Variants in NEK2 observed in about 807,000 individuals in gnomAD.
NEK2 encodes the protein NIMA related kinase 2, also known as serine/threonine-protein kinase Nek2.
A neutral mutation model predicts 54.1 loss-of-function variants in NEK2; 28 were observed. The ratio of observed to expected loss-of-function variants is 0.52; its 90% CI spans 0.38 to 0.71. The LOEUF is 0.71. Among genes scored for constraint, NEK2 ranks in the 30% least tolerant of loss-of-function variants. The probability of loss-of-function intolerance (pLI) is 0.00; values close to 1 mark genes in which losing one functional copy is unlikely to be tolerated. For missense variants in NEK2, 407 were observed against 531.5 expected (o/e 0.77, Z 2.30); for synonymous variants, 176 against 193.1 (o/e 0.91, Z 0.73).
intron 1 of NEK2, 62 bp from the exon 2 acceptor site, chr1:211,674,575 T>C (rs939168631): frequency 6.3e-6 from 8 of 1,273,802 alleles, no homozygotes; most frequent in Non-Finnish European, 8.7e-6. Context: ...AGAATGAAAG[T>C]TCCAAGATTT....
At chr1:211,659,610 A>C (rs2102435977), downstream of NEK2, among the ~76,000 whole-genome samples, 1 of 152,314 alleles carries the variant, frequency 6.6e-6, no homozygotes, top group South Asian at 2.1e-4. Flanking sequence ...AAACAGCAAC[A>C]CCATTGTGTA....
At chr1:211,674,974 A>G (rs530253408) in intron 1 of NEK2, among the ~76,000 whole-genome samples, 42 of 152,328 alleles carry the variant, frequency 2.8e-4, no homozygotes, top group African/African-American at 9.9e-4. Context: ...TATGAATCCA[A>G]TAATCCTAAT....
rs759605651 is a variant in NEK2, at chr1:211,663,550, G to A, written c.1214C>T (p.Thr405Ile). The A allele has an allele frequency of 3.1e-6, 5 of 1,613,928 alleles. No homozygotes were observed. In the Admixed American group the frequency reaches 6.7e-5, roughly 22 times the overall value. The change falls in exon 8 of 8, where the codon ACA (threonine) becomes ATA (isoleucine). Residue 405 changes from threonine to isoleucine, a missense_variant. By Grantham distance (89) the Thr-to-Ile change is moderately conservative. Coordinates refer to ENST00000366999, the MANE Select transcript of NEK2 (RefSeq NM_002497.4). Reference protein sequence around the residue: ...MRSENSESQLTSKSKCKDLKK... With the variant: ...MRSENSESQLISKSKCKDLKK... ...CAGGTCCTTGCACTTGGACTTAGAT[G>A]TGAGCTGACTCTCAGAATTCTCACT... is the stretch of plus-strand genomic sequence containing the variant.
At chr1:211,669,986 A>G (rs548381579) in intron 5 of NEK2, among the ~76,000 whole-genome samples, 1 of 152,336 alleles carries the variant, frequency 6.6e-6, no homozygotes, top group Non-Finnish European at 1.5e-5. Context: ...ACTGTGAGGT[A>G]GGCAAGGACA....
downstream of NEK2, chr1:211,660,458 A>G: frequency 1.4e-6 from 1 of 698,308 alleles, no homozygotes; most frequent in Non-Finnish European, 2.7e-6. Context: ...AGCCAGCTGC[A>G]TTTGTTGTCC....
Position 211,670,360 on chromosome 1 carries a change from C to T in NEK2, c.686G>A (p.Arg229Lys). Residue 229 changes from arginine to lysine, a missense_variant, in exon 5 of 8, where the codon AGA (arginine) becomes AAA (lysine). Transcript: ENST00000366999. Reference sequence around the variant, plus strand: ...TGGAATTCGCCTGAATTTGCCTTCTCTGATTTTCCCAGCGAGTTCTTTCTG... The same window carrying T: ...TGGAATTCGCCTGAATTTGCCTTCTTTGATTTTCCCAGCGAGTTCTTTCTG... ...FSQKELAGKIREGKFRRIPYR... is the reference protein window; with the variant it reads ...FSQKELAGKIKEGKFRRIPYR... 6.2e-7 allele frequency: 1 copy of T among 1,613,818 alleles called. No individual in the cohort carries two copies. Among genetic ancestry groups the T allele is most frequent in the Middle Eastern group, 1.7e-4 (1 of 6,054 alleles).
chr1:211,658,743 A>AAAAG, downstream of NEK2: 1 of 230,852 alleles, frequency 4.3e-6, no homozygotes, highest in African/African-American at 5.3e-5. Flanking sequence ...AAAAAAAAAA[A>AAAAG]AAAAAGGAAA....
intron 7 of NEK2, among the ~76,000 whole-genome samples, chr1:211,664,650 T>C (rs932654930): frequency 1.3e-5 from 2 of 152,186 alleles, no homozygotes; most frequent in East Asian, 1.9e-4. Flanking sequence ...GGCACACAGA[T>C]GCACTGCCTT....
chr1:211,674,180 G>C (rs1186125725), intron 2 of NEK2, 116 bp downstream of exon 2: 16 of 806,998 alleles, frequency 2.0e-5, no homozygotes, highest in Non-Finnish European at 2.5e-5. Context: ...AAAGTACTGT[G>C]GACCTACCAA....
At chr1:211,658,977 A>G (rs769780580), downstream of NEK2, among the ~76,000 whole-genome samples, 1 of 152,174 alleles carries the variant, frequency 6.6e-6, no homozygotes, top group Non-Finnish European at 1.5e-5. Context: ...CAGATGTACA[A>G]AAAGGACACC....
chr1:211,667,350 G>A (rs758973459), intron 6 of NEK2, 119 bp from the exon 7 acceptor site: 4 of 946,256 alleles, frequency 4.2e-6, no homozygotes, highest in African/African-American at 1.7e-5. Context: ...CAATGTTTGG[G>A]GAAAGGATTC....
At chr1:211,660,888 C>T, downstream of NEK2, 1 of 731,250 alleles carries the variant, frequency 1.4e-6, no homozygotes, top group Non-Finnish European at 2.6e-6. Flanking sequence ...AACCCACGCC[C>T]AGCTTCTGAT....
chr1:211,663,722 A>G, intron 7 of NEK2, 70 bp from the exon 8 acceptor site: 1 of 1,409,774 alleles, frequency 7.1e-7, no homozygotes, highest in Non-Finnish European at 9.7e-7. Context: ...ACTTATACTT[A>G]TCAAAAAGTA....
In NEK2 at chr1:211,663,558, ACT is replaced by A. The variant is rs759309023; in HGVS notation, c.1204_1205del (p.Gln403AlafsTer4). On this transcript the variant is annotated frameshift_variant, in exon 8 of 8. Coordinates refer to ENST00000366999, the MANE Select transcript of NEK2 (RefSeq NM_002497.4). LOFTEE classifies it high-confidence loss of function. ...ENIMRSENSE[S>X]QLTSKSKCKD... ...TGCACTTGGACTTAGATGTGAGCTGACTCTCAGAATTCTCACTCCTCATGATG... is the reference window on the plus strand; with the variant it reads ...TGCACTTGGACTTAGATGTGAGCTGACTCAGAATTCTCACTCCTCATGATG... 6.2e-6 allele frequency: 10 copies of A among 1,613,796 alleles called. No homozygotes were observed. The South Asian group carries it at 1.1e-4, about 18-fold the overall frequency.
chr1:211,674,072 T>C (rs1655493999), intron 2 of NEK2, among the ~76,000 whole-genome samples: 1 of 152,164 alleles, frequency 6.6e-6, no homozygotes, highest in Admixed American at 6.5e-5. Context: ...CGCATCGGCC[T>C]CCCAAAGTGT....
chr1:211,659,790 T>C (rs1654969586), downstream of NEK2, among the ~76,000 whole-genome samples: 1 of 151,732 alleles, frequency 6.6e-6, no homozygotes, highest in Admixed American at 6.6e-5. Flanking sequence ...TAATACATAC[T>C]GTACACAAGG....
At chr1:211,666,144 C>T (rs1655171612) in intron 7 of NEK2, among the ~76,000 whole-genome samples, 4 of 152,124 alleles carry the variant, frequency 2.6e-5, no homozygotes, top group South Asian at 2.1e-4. Flanking sequence ...GACAATGGTT[C>T]ACTGGTATAT....
At chr1:211,667,594 A>G (rs1226314546) in intron 6 of NEK2, among the ~76,000 whole-genome samples, 4 of 152,228 alleles carry the variant, frequency 2.6e-5, no homozygotes, top group African/African-American at 4.8e-5. Context: ...CTGGCCTCAC[A>G]GTACAAAAAT....
chr1:211,673,357 T>C, intron 3 of NEK2, 126 bp downstream of exon 3: 1 of 1,133,554 alleles, frequency 8.8e-7, no homozygotes, highest in Non-Finnish European at 1.3e-6. Context: ...GAGATTGCAG[T>C]GAGCCCAGAT....
Sources: gnomAD v4.1 joint callset for allele counts (sites outside exome capture counted in the v4.1 genomes callset) on GRCh38, gnomAD v4.1.1 for gene constraint, MANE v1.5 for transcripts, NCBI Gene and HGNC (gene_info 2026-07-23, HGNC 2026-07-21) for gene names.